Variants in COPG2 observed in about 807,000 individuals in gnomAD.
COPG2 encodes the protein coatomer subunit gamma-2.
A neutral mutation model predicts 46.3 loss-of-function variants in COPG2; 37 were observed. The observed-to-expected ratio is 0.80, with a 90% CI of 0.61 to 1.05. The LOEUF (loss-of-function observed/expected upper bound fraction) is 1.05. Among genes scored for constraint, COPG2 ranks in the 50% least tolerant of loss-of-function variants. The pLI, the probability that COPG2 is intolerant of heterozygous loss-of-function variation, is 0.00. For synonymous variants in COPG2, 159 were observed against 129.7 expected (o/e 1.23, Z -1.53); for missense variants, 427 against 387.8 (o/e 1.10, Z -0.85).
chr7:130,509,911 A>G (rs782757597), intron 20 of COPG2: 6 of 478,156 alleles, frequency 1.3e-5, no homozygotes, highest in Non-Finnish European at 2.1e-5. Context: ...AAAAGATGCA[A>G]AAGAGCTTTG....
intron 20 of COPG2, among the ~76,000 whole-genome samples, chr7:130,541,405 TAAG>T: frequency 6.8e-6 from 1 of 146,436 alleles, no homozygotes; most frequent in Non-Finnish European, 1.5e-5. Context: ...ACACGGGCCT[TAAG>T]GAGGGAGGAG....
intron 20 of COPG2, among the ~76,000 whole-genome samples, chr7:130,509,517 A>G (rs957007424): frequency 6.6e-6 from 1 of 152,224 alleles, no homozygotes; most frequent in Non-Finnish European, 1.5e-5. Flanking sequence ...AGAGGAAAGA[A>G]CAGGCTCAGA....
At chr7:130,600,984 A>G (rs1015243123) in intron 9 of COPG2, among the ~76,000 whole-genome samples, 4 of 152,226 alleles carry the variant, frequency 2.6e-5, no homozygotes, top group Non-Finnish European at 5.9e-5. Context: ...TGCAACTTCC[A>G]TATCAGGCTC....
intron 20 of COPG2, among the ~76,000 whole-genome samples, chr7:130,528,573 T>A (rs1413011361): frequency 6.6e-6 from 1 of 151,908 alleles, no homozygotes; most frequent in African/African-American, 2.4e-5. Context: ...GCTGAGAGAA[T>A]GCAGGAGGGT....
rs1461108535 is a variant in COPG2, at chr7:130,550,557, G to C, written c.1741C>G (p.Leu581Val). The part of the protein sequence containing the change: ...EKPFDMKSIP[L>V]AMAPVFEQKA... ...TGTTCAAAGACAGGAGCCATAGCAA[G>C]AGGAATTGATTTCATGTCAAACGGT... The change falls in exon 17 of 24, where the codon CTT becomes GTT. Residue 581 changes from leucine (L) to valine (V), a missense_variant. Physicochemically the swap from Leu to Val is conservative, Grantham distance 32. Transcript: ENST00000425248. The C allele has an allele frequency of 2.5e-6, 1 of 397,992 alleles. No individual in the cohort carries two copies. Among genetic ancestry groups the C allele is most frequent in the African/African-American group, 2.1e-5 (1 of 48,540 alleles). The allele number at this position is 397,992 out of a possible 1,614,324, so 24.7% of individuals were successfully genotyped here.
intron 20 of COPG2, among the ~76,000 whole-genome samples, chr7:130,527,830 TG>T (rs1799788388): frequency 6.6e-6 from 1 of 151,912 alleles, no homozygotes; most frequent in African/African-American, 2.4e-5. Flanking sequence ...AGCGAACAAA[TG>T]GATGTAGCTG....
At chr7:130,553,100 T>A (rs1164161499) in intron 14 of COPG2, among the ~76,000 whole-genome samples, 2 of 152,114 alleles carry the variant, frequency 1.3e-5, no homozygotes, top group Non-Finnish European at 2.9e-5. Flanking sequence ...AAAGGCAGGA[T>A]AAGAGTATTA....
chr7:130,582,015 A>G (rs560998704), intron 9 of COPG2, among the ~76,000 whole-genome samples: 6 of 152,290 alleles, frequency 3.9e-5, no homozygotes, highest in African/African-American at 1.2e-4. Context: ...TTCATATGGA[A>G]CCAAAAAGGG....
intron 19 of COPG2, among the ~76,000 whole-genome samples, 167 bp downstream of exon 19, chr7:130,548,236 C>T (rs1584969710): frequency 6.6e-6 from 1 of 152,144 alleles, no homozygotes; most frequent in Admixed American, 6.5e-5. Flanking sequence ...TCAAAAGTTA[C>T]CCATCACATG....
chr7:130,605,061 C>T (rs900511874), intron 9 of COPG2: 4 of 430,998 alleles, frequency 9.3e-6, no homozygotes, highest in Non-Finnish European at 1.8e-5. Flanking sequence ...TCCATTCTAT[C>T]ACCTTTGCTT....
At chr7:130,605,919 T>C (rs1261528215) in intron 9 of COPG2, 3 of 383,008 alleles carry the variant, frequency 7.8e-6, no homozygotes, top group South Asian at 4.0e-5. Flanking sequence ...TTTTGGTACC[T>C]GTAAGTGAAG....
chr7:130,553,169 T>C (rs1793559978), intron 14 of COPG2, among the ~76,000 whole-genome samples: 1 of 152,100 alleles, frequency 6.6e-6, no homozygotes, highest in Non-Finnish European at 1.5e-5. Context: ...GTGTGGTGTA[T>C]TACTGGACAG....
intron 20 of COPG2, among the ~76,000 whole-genome samples, chr7:130,523,119 CA>C (rs1308994776): frequency 1.7e-5 from 1 of 57,522 alleles, no homozygotes; most frequent in African/African-American, 8.0e-5. Flanking sequence ...ACTCTTCTCT[CA>C]AAAAAAAAAA....
intron 5 of COPG2, among the ~76,000 whole-genome samples, chr7:130,635,336 G>A (rs1395203276): frequency 5.9e-5 from 9 of 151,984 alleles, no homozygotes; most frequent in African/African-American, 2.2e-4. Flanking sequence ...AACCTGTCTG[G>A]TCCTGGGCTT....
At chr7:130,550,154 T>C (rs1793513406) in intron 17 of COPG2, among the ~76,000 whole-genome samples, 2 of 152,130 alleles carry the variant, frequency 1.3e-5, no homozygotes, top group Non-Finnish European at 2.9e-5. Context: ...CTCCCGCCTG[T>C]AATCCTAGCA....
chr7:130,507,600 A>T (rs1584956750), intron 22 of COPG2, 85 bp downstream of exon 22: 175 of 608,066 alleles, frequency 2.9e-4, no homozygotes, highest in Non-Finnish European at 3.5e-4. Context: ...TTTTTTTTTT[A>T]AAGGAGTTCT....
At chr7:130,591,606 G>T (rs1424126889) in intron 9 of COPG2, among the ~76,000 whole-genome samples, 2 of 143,606 alleles carry the variant, frequency 1.4e-5, no homozygotes, top group East Asian at 2.2e-4. Context: ...GAGGTGGGGG[G>T]GTCAGCCCCG....
chr7:130,643,816 C>G (rs79372598), intron 5 of COPG2, among the ~76,000 whole-genome samples: 3,212 of 152,044 alleles, frequency 0.021, 91 homozygotes, highest in African/African-American at 0.065. Flanking sequence ...AACACACACA[C>G]AAATTAACTG....
chr7:130,565,615 T>C (rs1328780218), intron 9 of COPG2, among the ~76,000 whole-genome samples: 1 of 152,210 alleles, frequency 6.6e-6, no homozygotes, highest in Non-Finnish European at 1.5e-5. Flanking sequence ...GATGTTGAAC[T>C]TACTGGCAAA....
Sources: allele counts gnomAD v4.1 joint callset (sites outside exome capture counted in the v4.1 genomes callset), GRCh38; gene constraint gnomAD v4.1.1; transcripts MANE v1.5; gene names NCBI Gene and HGNC (gene_info 2026-07-23, HGNC 2026-07-21).